Variants in SORCS2 observed in about 807,000 individuals in gnomAD.
SORCS2 encodes sortilin related VPS10 domain containing receptor 2, also known as VPS10 domain-containing receptor SorCS2.
Under a neutral mutation model 141.6 loss-of-function variants are expected in SORCS2, and 100 were observed. The ratio of observed to expected loss-of-function variants is 0.71; its 90% CI spans 0.60 to 0.83. The LOEUF (loss-of-function observed/expected upper bound fraction) is 0.83. SORCS2 is among the 40% of genes least tolerant of loss of function. SORCS2 has a pLI of 0.00. For synonymous variants in SORCS2, 789 were observed against 676.9 expected, an observed-to-expected ratio of 1.17 and a Z score of -2.57; for missense variants, 1,646 against 1,560.2, an observed-to-expected ratio of 1.05 and a Z score of -0.93.
At chr4:7,477,941 A>G (rs1033038027) in intron 2 of SORCS2, among the ~76,000 whole-genome samples, 19 of 152,204 alleles carry the variant, frequency 1.2e-4, no homozygotes, top group African/African-American at 3.9e-4. Context: ...CGTGTTGGCT[A>G]TCGCGCACAC....
intron 1 of SORCS2, among the ~76,000 whole-genome samples, chr4:7,367,735 G>A (rs750441542): frequency 6.6e-5 from 10 of 152,368 alleles, no homozygotes; most frequent in African/African-American, 1.7e-4. Context: ...CTGTGAAAGC[G>A]TGCATTGAAT....
intron 1 of SORCS2, among the ~76,000 whole-genome samples, chr4:7,268,224 A>G (rs1714877695): frequency 6.6e-6 from 1 of 152,200 alleles, no homozygotes; most frequent in Admixed American, 6.5e-5. Flanking sequence ...GTGGGAGTGA[A>G]GGGATGAAGG....
At chr4:7,336,050 G>A (rs1001278452) in intron 1 of SORCS2, among the ~76,000 whole-genome samples, 2 of 152,220 alleles carry the variant, frequency 1.3e-5, no homozygotes, top group Non-Finnish European at 2.9e-5. Flanking sequence ...CATAAGCGCT[G>A]TGTGCAGGGG....
At chr4:7,391,270 G>T (rs1269272676) in intron 1 of SORCS2, among the ~76,000 whole-genome samples, 1 of 152,218 alleles carries the variant, frequency 6.6e-6, no homozygotes, top group Non-Finnish European at 1.5e-5. Context: ...ATCAGCCCTG[G>T]AGCTGAGACT....
At chr4:7,634,515 A>C (rs987865446) in intron 3 of SORCS2, among the ~76,000 whole-genome samples, 5 of 152,360 alleles carry the variant, frequency 3.3e-5, no homozygotes, top group African/African-American at 1.2e-4. Flanking sequence ...AATTACAACT[A>C]AAGTATAAAA....
chr4:7,652,150 C>T (rs1482487519), intron 4 of SORCS2, among the ~76,000 whole-genome samples: 2 of 152,168 alleles, frequency 1.3e-5, no homozygotes, highest in Non-Finnish European at 2.9e-5. Flanking sequence ...GCCTTCCCCA[C>T]CCGACACGCT....
intron 2 of SORCS2, among the ~76,000 whole-genome samples, chr4:7,408,200 A>G (rs535845718): frequency 7.9e-5 from 12 of 151,872 alleles, no homozygotes; most frequent in Non-Finnish European, 1.2e-4. Context: ...TTTATTTTTT[A>G]TGTATTTTTT....
Position 7,497,978 on chromosome 4 carries a change from G to A in SORCS2, c.549-33552G>A, listed in dbSNP as rs577943566. On this transcript the variant is annotated intron_variant, in intron 2 of 26. Transcript: ENST00000507866. ...TTCACTGGAAGCGGGTGATGGAGAA[G>A]GAAGGTGCTGGTGCCCACAGCCTGT... 3.3e-5 allele frequency among the ~76,000 whole-genome samples: 5 copies of A among 152,382 alleles called. No individual in the cohort carries two copies. The East Asian group carries it at 5.8e-4, about 18-fold the overall frequency.
At chr4:7,243,864 C>G (rs1444056386) in intron 1 of SORCS2, among the ~76,000 whole-genome samples, 3 of 152,228 alleles carry the variant, frequency 2.0e-5, no homozygotes, top group Non-Finnish European at 4.4e-5. Context: ...AAACCCTTCC[C>G]TGCTCTCTGT....
chr4:7,555,019 C>T (rs1016548646), intron 3 of SORCS2, among the ~76,000 whole-genome samples: 2 of 152,148 alleles, frequency 1.3e-5, no homozygotes, highest in African/African-American at 2.4e-5. Flanking sequence ...TCAGCCCAGC[C>T]GTTCACCTGG....
intron 2 of SORCS2, among the ~76,000 whole-genome samples, chr4:7,520,853 G>C (rs1349718583): frequency 6.6e-6 from 1 of 152,240 alleles, no homozygotes; most frequent in African/African-American, 2.4e-5. Flanking sequence ...TCGGGCTGCA[G>C]TCAAGGTCCA....
intron 3 of SORCS2, among the ~76,000 whole-genome samples, chr4:7,604,889 A>G (rs1260238126): frequency 6.6e-6 from 1 of 152,194 alleles, no homozygotes; most frequent in Non-Finnish European, 1.5e-5. Flanking sequence ...GATTCTTCTA[A>G]GCTGGCTCCT....
intron 3 of SORCS2, among the ~76,000 whole-genome samples, chr4:7,592,223 C>T (rs1161942701): frequency 3.3e-5 from 5 of 152,184 alleles, no homozygotes; most frequent in African/African-American, 1.2e-4. Flanking sequence ...CAACTACCCA[C>T]TTTCATCCAC....
At chr4:7,692,412 C>G (rs1357592352) in intron 11 of SORCS2, among the ~76,000 whole-genome samples, 1 of 152,228 alleles carries the variant, frequency 6.6e-6, no homozygotes, top group East Asian at 1.9e-4. Context: ...TTTCACTGCA[C>G]TTCTCTGAGC....
At chr4:7,200,520 C>T (rs555665191) in intron 1 of SORCS2, among the ~76,000 whole-genome samples, 34 of 152,248 alleles carry the variant, frequency 2.2e-4, no homozygotes, top group South Asian at 1.5e-3. Flanking sequence ...CCAACCCGGA[C>T]GTTGTTTATG....
chr4:7,423,030 C>G (rs1187140750), intron 2 of SORCS2, among the ~76,000 whole-genome samples: 3 of 136,646 alleles, frequency 2.2e-5, no homozygotes, highest in Non-Finnish European at 4.7e-5. Context: ...TCTCAGCCTT[C>G]ACCCCAGCTC....
At chr4:7,548,542 A>G (rs535237232) in intron 3 of SORCS2, among the ~76,000 whole-genome samples, 1 of 152,272 alleles carries the variant, frequency 6.6e-6, no homozygotes, top group African/African-American at 2.4e-5. Context: ...CCTACAGACA[A>G]AGGGAGGCCC....
At position 7,702,702 on chromosome 4, in the gene SORCS2, T is replaced by G. The variant is rs145030606; in HGVS notation, c.1669-578T>G. Among the ~76,000 whole-genome samples the G allele has an allele frequency of 4.6e-4, 70 of 152,358 alleles. 1 individual carries two copies. Among genetic ancestry groups the G allele is most frequent in the African/African-American group, 1.7e-3 (69 of 41,594 alleles). ...CCACACATACTCCCTGGCACCAAGG[T>G]CTGAGCTGAGCTCTGTGGGGCACAG... On this transcript the variant is annotated intron_variant, in intron 12 of 26. Transcript: ENST00000507866.
intron 2 of SORCS2, among the ~76,000 whole-genome samples, chr4:7,500,616 A>G (rs1731904655): frequency 6.7e-6 from 1 of 149,102 alleles, no homozygotes; most frequent in Non-Finnish European, 1.5e-5. Context: ...AAATAACCAC[A>G]GAAAGCACCA....
Sources: allele counts gnomAD v4.1 joint callset (sites outside exome capture counted in the v4.1 genomes callset), GRCh38; gene constraint gnomAD v4.1.1; transcripts MANE v1.5; gene names NCBI Gene and HGNC (gene_info 2026-07-23, HGNC 2026-07-21).